The following NPHP1 variants were observed in gnomAD, a reference collection of about 807,000 sequenced individuals.
The protein encoded by NPHP1 is nephrocystin-1.
NPHP1 carries 70 observed loss-of-function variants against 90.4 expected under a neutral mutation model. The observed-to-expected ratio is 0.77, with a 90% CI of 0.64 to 0.95. NPHP1 has a LOEUF of 0.95. NPHP1 is among the 40% of genes least tolerant of loss of function. The pLI, the probability that NPHP1 is intolerant of heterozygous loss-of-function variation, is 0.00. For missense variants in NPHP1, 764 were observed against 795.9 expected (o/e 0.96, Z 0.48); for synonymous variants, 256 against 271.7 (o/e 0.94, Z 0.57).
At chr2:110,172,296 A>C (rs1574144616) in intron 4 of NPHP1, among the ~76,000 whole-genome samples, 1 of 151,624 alleles carries the variant, frequency 6.6e-6, no homozygotes, top group East Asian at 1.9e-4. Flanking sequence ...CCATTTAATT[A>C]ATTTTCCAAA....
intron 12 of NPHP1, 34 bp from the exon 13 acceptor site, chr2:110,148,060 A>C (rs1681197619): frequency 7.3e-7 from 1 of 1,363,774 alleles, no homozygotes; most frequent in African/African-American, 1.4e-5. Flanking sequence ...TTATTGATAA[A>C]AATAAAAAAT....
rs186929895 is a variant in NPHP1, at chr2:110,192,505, T to A, written c.143+8916A>T. 1.2e-3 allele frequency among the ~76,000 whole-genome samples: 177 copies of A among 152,280 alleles called. 1 individual carries two copies. The highest frequency in any genetic ancestry group is 4.2e-3 in the African/African-American group (174 of 41,566). Reference sequence around the variant, plus strand: ...AAAGCCTCCAAGAAATATGGGACTATGTGAAAAGATCAAATCTACATCTGA... The same window carrying A: ...AAAGCCTCCAAGAAATATGGGACTAAGTGAAAAGATCAAATCTACATCTGA... On this transcript the variant is annotated intron_variant, in intron 2 of 19. Coordinates refer to ENST00000445609, the MANE Select transcript of NPHP1 (RefSeq NM_001128178.3).
chr2:110,140,705 T>C (rs927948329), intron 16 of NPHP1, among the ~76,000 whole-genome samples: 3 of 152,148 alleles, frequency 2.0e-5, no homozygotes, highest in African/African-American at 7.2e-5. Flanking sequence ...CAAAGACTAC[T>C]ACTGTGCTGC....
intron 13 of NPHP1, among the ~76,000 whole-genome samples, chr2:110,147,303 C>G (rs1172588541): frequency 6.6e-6 from 1 of 151,920 alleles, no homozygotes; most frequent in East Asian, 1.9e-4. Context: ...CCAGTCCTAC[C>G]CCCTCCACAA....
intron 4 of NPHP1, among the ~76,000 whole-genome samples, chr2:110,171,816 T>C (rs1231078137): frequency 6.6e-6 from 1 of 152,178 alleles, no homozygotes; most frequent in Non-Finnish European, 1.5e-5. Flanking sequence ...TAGATTTTAC[T>C]TGCTAATATT....
intron 8 of NPHP1, chr2:110,164,081 C>T (rs968166610): frequency 1.1e-5 from 2 of 178,032 alleles, no homozygotes; most frequent in African/African-American, 4.8e-5. Flanking sequence ...GTCACTCATG[C>T]TCTGGAGTGC....
chr2:110,185,869 C>T (rs1684248337), intron 2 of NPHP1, among the ~76,000 whole-genome samples: 1 of 152,180 alleles, frequency 6.6e-6, no homozygotes, highest in Non-Finnish European at 1.5e-5. Context: ...AGATAATGTT[C>T]CCAGCCCATT....
At chr2:110,132,261 TTTAAA>T (rs1368078484) in intron 16 of NPHP1, among the ~76,000 whole-genome samples, 1 of 152,182 alleles carries the variant, frequency 6.6e-6, no homozygotes, top group Admixed American at 6.5e-5. Flanking sequence ...GCTATGTGAC[TTTAAA>T]TTAATTAATT....
At chr2:110,155,340 C>T (rs748941996) in intron 11 of NPHP1, among the ~76,000 whole-genome samples, 8 of 152,094 alleles carry the variant, frequency 5.3e-5, no homozygotes, top group East Asian at 1.9e-4. Context: ...TAGGGAAGTG[C>T]GAAAGGGAAA....
At position 110,125,622 on chromosome 2, in the gene NPHP1, A is replaced by T; in HGVS notation, c.1761+15T>A. 6 of 1,608,160 alleles carry T rather than the reference A, an allele frequency of 3.7e-6. No homozygotes were observed. The highest frequency in any genetic ancestry group is 5.1e-6 in the Non-Finnish European group (6 of 1,174,618). On this transcript the variant is annotated intron_variant, in intron 19 of 19. Transcript: ENST00000445609. Reference sequence around the variant, plus strand: ...ACTGCAAATATGGAGTTCAGTGTGGAGACTCATATTTTACCTTCTCTGATC... The same window carrying T: ...ACTGCAAATATGGAGTTCAGTGTGGTGACTCATATTTTACCTTCTCTGATC...
At chr2:110,184,162 C>A in intron 2 of NPHP1, 1 of 558,804 alleles carries the variant, frequency 1.8e-6, no homozygotes, top group Non-Finnish European at 3.6e-6. Context: ...TACTGCTTTC[C>A]AAAGTATGTG....
chr2:110,161,591 A>T lies in NPHP1; in HGVS notation c.954+12T>A. On this transcript the variant is annotated intron_variant, in intron 10 of 19. Transcript: ENST00000445609. ...GAAGAGTTACACTTTTACTGATAGT[A>T]ACTATACTTACAGTGCCTTCTGTAG... The T allele has an allele frequency of 6.5e-7, 1 of 1,547,204 alleles. No individual in the cohort carries two copies. Among genetic ancestry groups the T allele is most frequent in the Non-Finnish European group, 8.9e-7 (1 of 1,120,128 alleles).
intron 16 of NPHP1, among the ~76,000 whole-genome samples, chr2:110,136,524 C>A (rs1043113395): frequency 1.3e-5 from 2 of 152,124 alleles, no homozygotes; most frequent in Non-Finnish European, 2.9e-5. Context: ...TCTTATACAC[C>A]AATAACAGAC....
intron 16 of NPHP1, among the ~76,000 whole-genome samples, chr2:110,135,781 C>CT (rs1222323594): frequency 1.3e-5 from 2 of 152,086 alleles, no homozygotes; most frequent in Non-Finnish European, 2.9e-5. Flanking sequence ...AGAGATCTTA[C>CT]TTTTTGTAAA....
intron 1 of NPHP1, among the ~76,000 whole-genome samples, chr2:110,204,187 C>A (rs1407662030): frequency 6.6e-6 from 1 of 152,164 alleles, no homozygotes; most frequent in Non-Finnish European, 1.5e-5. Context: ...AAGCTGCTTT[C>A]CTGAAATGCT....
At chr2:110,196,436 A>G (rs959986522) in intron 2 of NPHP1, among the ~76,000 whole-genome samples, 10 of 152,216 alleles carry the variant, frequency 6.6e-5, no homozygotes, top group African/African-American at 2.4e-4. Context: ...AGGGAAATGC[A>G]AATCAAAACC....
rs535519173 is a variant in NPHP1, at chr2:110,155,046, A to G, written c.1084-4790T>C. ...GGAGGAAAAAATGGTTTCATGGGCCAGGCCGAGGGTCCCCATGCTGTGTGT... is the reference window on the plus strand; with the variant it reads ...GGAGGAAAAAATGGTTTCATGGGCCGGGCCGAGGGTCCCCATGCTGTGTGT... On this transcript the variant is annotated intron_variant, in intron 11 of 19. Coordinates refer to ENST00000445609, the MANE Select transcript of NPHP1 (RefSeq NM_001128178.3). 8.5e-5 allele frequency among the ~76,000 whole-genome samples: 13 copies of G among 152,212 alleles called. No homozygotes were observed. In the South Asian group the frequency reaches 2.7e-3, roughly 32 times the overall value.
At chr2:110,185,475 G>C (rs1352807476) in intron 2 of NPHP1, among the ~76,000 whole-genome samples, 1 of 152,124 alleles carries the variant, frequency 6.6e-6, no homozygotes, top group Admixed American at 6.5e-5. Context: ...ACTGGCTGCA[G>C]GGAACTCCGT....
intron 16 of NPHP1, among the ~76,000 whole-genome samples, chr2:110,140,471 C>G (rs961782873): frequency 2.6e-5 from 4 of 152,120 alleles, no homozygotes; most frequent in Non-Finnish European, 5.9e-5. Flanking sequence ...GAAGAAGGGG[C>G]TGCCTTGCTA....
Sources: allele counts gnomAD v4.1 joint callset (sites outside exome capture counted in the v4.1 genomes callset), GRCh38; gene constraint gnomAD v4.1.1; transcripts MANE v1.5; gene names NCBI Gene and HGNC (gene_info 2026-07-23, HGNC 2026-07-21).